MIEF1: variants seen among roughly 807,000 people sequenced by gnomAD.
MIEF1 encodes the protein mitochondrial elongation factor 1, also known as mitochondrial dynamics protein MIEF1.
MIEF1 carries 14 observed loss-of-function variants against 35.1 expected under a neutral mutation model. That is an observed-to-expected ratio of 0.40 (90% CI 0.26 to 0.62). The LOEUF is 0.62. Ranked by LOEUF, MIEF1 falls within the 20% of genes least tolerant of loss-of-function variation. The probability of loss-of-function intolerance (pLI) is 0.43; values close to 1 mark genes in which losing one functional copy is unlikely to be tolerated. For missense variants in MIEF1, 542 were observed against 615.4 expected (o/e 0.88, Z 1.26); for synonymous variants, 245 against 254.3 (o/e 0.96, Z 0.35).
At chr22:39,507,438 A>G (rs537732741) in intron 2 of MIEF1, among the ~76,000 whole-genome samples, 2,813 of 151,712 alleles carry the variant, frequency 0.019, 36 homozygotes, top group African/African-American at 0.032. Flanking sequence ...GTAGAGACAG[A>G]GGTTCACCGT....
rs1350610798 is a variant in MIEF1, at chr22:39,514,033, A to G, written c.1102A>G (p.Lys368Glu). 6.2e-7 allele frequency: 1 copy of G among 1,613,616 alleles called. No individual in the cohort carries two copies. The highest frequency in any genetic ancestry group is 1.7e-5 in the Admixed American group (1 of 59,996). The change falls in exon 6 of 6, where the codon AAG becomes GAG. Residue 368 changes from lysine to glutamate, a missense_variant. By Grantham distance (56) the Lys-to-Glu change is moderately conservative. Coordinates refer to ENST00000325301, the MANE Select transcript of MIEF1 (RefSeq NM_019008.6). ...GCRSLCLKIL[K>E]AICKSTPALG... The stretch of plus-strand genomic sequence containing the variant: ...CCGATCTCTGTGCCTCAAGATCCTC[A>G]AGGCCATATGCAAGTCCACCCCGGC...
chr22:39,517,193 A>T lies in MIEF1; in HGVS notation c.*2870A>T, dbSNP rs1355393410. The T allele has an allele frequency of 6.4e-6, 1 of 157,386 alleles. No individual in the cohort carries two copies. Among genetic ancestry groups the T allele is most frequent in the Non-Finnish European group, 1.4e-5 (1 of 71,042 alleles). 9.7% of individuals were successfully genotyped at this position (157,386 alleles called of 1,614,324 possible). On this transcript the variant is annotated 3_prime_UTR_variant, in exon 6 of 6. Coordinates refer to ENST00000325301, the MANE Select transcript of MIEF1 (RefSeq NM_019008.6). Reference sequence around the variant, plus strand: ...ATCTAGAGATTTTTGTGTGTGTGCCATCAAGGTTAGCAAACTTTATACGTA... The same window carrying T: ...ATCTAGAGATTTTTGTGTGTGTGCCTTCAAGGTTAGCAAACTTTATACGTA...
chr22:39,508,553 A>G (rs17001198), intron 2 of MIEF1, among the ~76,000 whole-genome samples: 2,053 of 152,306 alleles, frequency 0.013, 51 homozygotes, highest in African/African-American at 0.048. Context: ...TGATTGGGTT[A>G]TCTTGCCTCT....
rs1930058521 is a variant in MIEF1 at position 39,507,216 on chromosome 22, G to A, written c.-8+2682G>A. Among the ~76,000 whole-genome samples the A allele has an allele frequency of 2.0e-5, 3 of 152,238 alleles. No individual in the cohort carries two copies. The South Asian group carries it at 6.2e-4, about 32-fold the overall frequency. On this transcript the variant is annotated intron_variant, in intron 2 of 5. Transcript: ENST00000325301. ...GATGTCAGTCCGTCCTTGGATGGTG[G>A]GCGGGGGGTGCCTATTGCACTACAG...
At chr22:39,508,120 T>A (rs1405239218) in intron 2 of MIEF1, among the ~76,000 whole-genome samples, 1 of 152,234 alleles carries the variant, frequency 6.6e-6, no homozygotes, top group Non-Finnish European at 1.5e-5. Flanking sequence ...CATACAGGAT[T>A]GCAGTGAATG....
At chr22:39,507,490 C>T (rs1176722651) in intron 2 of MIEF1, among the ~76,000 whole-genome samples, 3 of 151,744 alleles carry the variant, frequency 2.0e-5, no homozygotes, top group Non-Finnish European at 4.4e-5. Flanking sequence ...CGTGATCTGC[C>T]CACCTTGGCC....
Position 39,505,617 on chromosome 22 carries a change from T to C in MIEF1, c.-8+1083T>C, listed in dbSNP as rs191673077. 3.8e-3 allele frequency among the ~76,000 whole-genome samples: 576 copies of C among 152,338 alleles called. 3 individuals are homozygous for C. Among genetic ancestry groups the C allele is most frequent in the African/African-American group, 0.013 (529 of 41,578 alleles). On this transcript the variant is annotated intron_variant, in intron 2 of 5. Transcript: ENST00000325301. ...GGACGTTGACTCCAAGTTGAGATTG[T>C]AATGTATATCTTCTTATGTGGGGAC...
chr22:39,516,589 G>T lies in MIEF1; in HGVS notation c.*2266G>T, dbSNP rs1381349116. ...GTGGTGGCAGGCGCCTATAATCCCAGCTACTCGGGAGGCTGAGGCAGGAGA... is the reference window on the plus strand; with the variant it reads ...GTGGTGGCAGGCGCCTATAATCCCATCTACTCGGGAGGCTGAGGCAGGAGA... On this transcript the variant is annotated 3_prime_UTR_variant, in exon 6 of 6. Coordinates refer to ENST00000325301, the MANE Select transcript of MIEF1 (RefSeq NM_019008.6). The T allele has an allele frequency of 6.6e-6, 1 of 152,214 alleles. No individual in the cohort carries two copies. Among genetic ancestry groups the T allele is most frequent in the Non-Finnish European group, 1.5e-5 (1 of 68,050 alleles). The allele number at this position is 152,214 out of a possible 1,614,324, so 9.4% of individuals were successfully genotyped here. A position where few individuals can be genotyped will look rare whatever the true frequency, so the allele number is the denominator to read the frequency against.
At chr22:39,500,217 T>C (rs1353615566), upstream of MIEF1, 1 of 152,214 alleles carries the variant, frequency 6.6e-6, no homozygotes, top group Non-Finnish European at 1.5e-5. Context: ...TTTGGGTCAG[T>C]GCCCCCTGCC....
chr22:39,514,932 A>G lies in MIEF1; in HGVS notation c.*609A>G. On this transcript the variant is annotated 3_prime_UTR_variant, in exon 6 of 6. Transcript: ENST00000325301. ...TGGAGTAGAAGTCCATCCTCCCCCCAACCTCCTGACCCATTCATAAATGCT... is the reference window on the plus strand; with the variant it reads ...TGGAGTAGAAGTCCATCCTCCCCCCGACCTCCTGACCCATTCATAAATGCT... 1 of 321,732 alleles carries G rather than the reference A, an allele frequency of 3.1e-6. No homozygotes were observed. Among genetic ancestry groups the G allele is most frequent in the South Asian group, 5.0e-5 (1 of 20,104 alleles). The allele number at this position is 321,732 out of a possible 1,614,324, so 19.9% of individuals were successfully genotyped here. A position where few individuals can be genotyped will look rare whatever the true frequency, so the allele number is the denominator to read the frequency against.
intron 2 of MIEF1, 176 bp downstream of exon 2, chr22:39,504,710 G>A: frequency 3.7e-6 from 1 of 267,850 alleles, no homozygotes; most frequent in East Asian, 6.5e-5. Flanking sequence ...CAGCCCAGGA[G>A]GTTGAGGCTG....
rs963733154 is a variant in MIEF1 at position 39,514,981 on chromosome 22, T to C, written c.*658T>C. 3 of 467,890 alleles carry C rather than the reference T, an allele frequency of 6.4e-6. No homozygotes were observed. Among genetic ancestry groups the C allele is most frequent in the African/African-American group, 5.9e-5 (3 of 50,794 alleles). The allele number at this position is 467,890 out of a possible 1,614,324, so 29.0% of individuals were successfully genotyped here. ...CTGAGAATGTCTCTCATGGGAACAC[T>C]GTTAATGACCCACACAGGATAAGCT... On this transcript the variant is annotated 3_prime_UTR_variant, in exon 6 of 6. Transcript: ENST00000325301.
rs1929896792 is a variant in MIEF1, at chr22:39,504,198, TA to T, written c.-339-4del. 2.5e-6 allele frequency: 1 copy of T among 399,020 alleles called. No individual in the cohort carries two copies. Among genetic ancestry groups the T allele is most frequent in the Non-Finnish European group, 4.4e-6 (1 of 226,146 alleles). 24.7% of individuals were successfully genotyped at this position (399,020 alleles called of 1,614,324 possible). A position where few individuals can be genotyped will look rare whatever the true frequency, so the allele number is the denominator to read the frequency against. On this transcript the variant is annotated splice_polypyrimidine_tract_variant and splice_region_variant and intron_variant, in intron 1 of 5. Transcript: ENST00000325301. ...AGGCTTGTATGTCTTTCCTTCTGTT[TA>T]TAGTGTGACACCCAGCCCCTGCCAG...
chr22:39,514,515 T>G lies in MIEF1; in HGVS notation c.*192T>G. 1.6e-6 allele frequency: 1 copy of G among 624,698 alleles called. No homozygotes were observed. The highest frequency in any genetic ancestry group is 2.0e-5 in the South Asian group (1 of 48,794). 38.7% of individuals were successfully genotyped at this position (624,698 alleles called of 1,614,324 possible). Reference sequence around the variant, plus strand: ...TTTTGTTACCCAACTCTTCCTATTTTTGTTACCAATCACTGTGCTCTCTGC... The same window carrying G: ...TTTTGTTACCCAACTCTTCCTATTTGTGTTACCAATCACTGTGCTCTCTGC... On this transcript the variant is annotated 3_prime_UTR_variant, in exon 6 of 6. Coordinates refer to ENST00000325301, the MANE Select transcript of MIEF1 (RefSeq NM_019008.6).
intron 2 of MIEF1, among the ~76,000 whole-genome samples, chr22:39,509,079 C>T (rs975083288): frequency 2.0e-5 from 3 of 151,990 alleles, no homozygotes; most frequent in Admixed American, 6.6e-5. Flanking sequence ...CTTGGCCTCC[C>T]GAGTAGCTGG....
chr22:39,506,448 A>G (rs1275914683), intron 2 of MIEF1, among the ~76,000 whole-genome samples: 1 of 152,190 alleles, frequency 6.6e-6, no homozygotes, highest in Non-Finnish European at 1.5e-5. Flanking sequence ...CAGTTACAGA[A>G]ACTACTCAGT....
chr22:39,505,383 G>A (rs963463713), intron 2 of MIEF1, among the ~76,000 whole-genome samples: 4 of 152,022 alleles, frequency 2.6e-5, no homozygotes, highest in Admixed American at 6.6e-5. Context: ...TTGTAGAGAC[G>A]GTCTTGCTAT....
At position 39,515,055 on chromosome 22, in the gene MIEF1, A is replaced by G. The variant is rs1162361498; in HGVS notation, c.*732A>G. 4 of 575,412 alleles carry G rather than the reference A, an allele frequency of 7.0e-6. No individual in the cohort carries two copies. The African/African-American group carries it at 7.5e-5, about 11-fold the overall frequency. 35.6% of individuals were successfully genotyped at this position (575,412 alleles called of 1,614,324 possible). ...GAATTTCTTGGTGGCTATTAGCAGA[A>G]GTGCAGAGTAGGGAACCAGAGCTGG... On this transcript the variant is annotated 3_prime_UTR_variant, in exon 6 of 6. Coordinates refer to ENST00000325301, the MANE Select transcript of MIEF1 (RefSeq NM_019008.6).
intron 2 of MIEF1, among the ~76,000 whole-genome samples, chr22:39,510,328 C>T (rs1338371324): frequency 6.6e-6 from 1 of 152,016 alleles, no homozygotes. Flanking sequence ...AGTGCAGTGG[C>T]GTGATCATAG....
Sources: allele counts gnomAD v4.1 joint callset (sites outside exome capture counted in the v4.1 genomes callset), GRCh38; gene constraint gnomAD v4.1.1; transcripts MANE v1.5; gene names NCBI Gene and HGNC (gene_info 2026-07-23, HGNC 2026-07-21).